Variants in NEGR1 observed in about 807,000 individuals in gnomAD.
The protein encoded by NEGR1 is neuronal growth regulator 1.
In NEGR1, 10 loss-of-function variants were observed where a neutral mutation model predicts 40.9. That is an observed-to-expected ratio of 0.24 (90% confidence interval 0.15 to 0.42). The LOEUF is 0.42. Among genes scored for constraint, NEGR1 ranks in the 10% least tolerant of loss-of-function variants. NEGR1 has a pLI of 1.00. For synonymous variants in NEGR1, 185 were observed against 166.8 expected (o/e 1.11, Z -0.84); for missense variants, 352 against 438.9 (o/e 0.80, Z 1.77).
At chr1:72,010,623 T>C (rs917995936) in intron 1 of NEGR1, among the ~76,000 whole-genome samples, 2 of 149,950 alleles carry the variant, frequency 1.3e-5, no homozygotes, top group African/African-American at 4.9e-5. Context: ...AACCCCTTTC[T>C]CCACTCTCCC....
intron 1 of NEGR1, among the ~76,000 whole-genome samples, chr1:72,042,111 C>T (rs183990353): frequency 4.4e-4 from 67 of 151,376 alleles, no homozygotes; most frequent in Non-Finnish European, 2.2e-4. Flanking sequence ...GAACCTTCAA[C>T]ATTAACAACA....
intron 1 of NEGR1, among the ~76,000 whole-genome samples, chr1:71,971,346 C>A (rs1018986836): frequency 1.3e-5 from 2 of 152,016 alleles, no homozygotes; most frequent in Admixed American, 1.3e-4. Flanking sequence ...GTTATGACAG[C>A]CCAAGGAAAT....
chr1:72,205,037 C>T (rs555489707), intron 1 of NEGR1, among the ~76,000 whole-genome samples: 1 of 151,984 alleles, frequency 6.6e-6, no homozygotes, highest in Admixed American at 6.6e-5. Flanking sequence ...AAACTAAGTG[C>T]TTAGAGGTAT....
chr1:71,565,985 C>T (rs1335224), intron 6 of NEGR1, among the ~76,000 whole-genome samples: 92,373 of 151,648 alleles, frequency 0.61, 28,636 homozygotes, highest in Middle Eastern at 0.68. Context: ...AAGACAGAGA[C>T]GGAGATTGGA....
chr1:72,233,470 C>T (rs1209074314), intron 1 of NEGR1, among the ~76,000 whole-genome samples: 2 of 152,014 alleles, frequency 1.3e-5, no homozygotes, highest in Non-Finnish European at 2.9e-5. Flanking sequence ...CTGGAGTCCC[C>T]AGTGTCTATT....
In NEGR1 at chr1:71,985,280, A is replaced by G. The variant is rs1364316775; in HGVS notation, c.177-49969T>C. Among the ~76,000 whole-genome samples, 6 of 152,216 alleles carry G rather than the reference A, an allele frequency of 3.9e-5. No individual in the cohort carries two copies. The East Asian group carries it at 1.2e-3, about 29-fold the overall frequency. ...ATGTTAAAATTTGAAATAATGTAAA[A>G]ATATGAAGATACGCTGGCTATTTCT... On this transcript the variant is annotated intron_variant, in intron 1 of 6. Transcript: ENST00000357731.
At chr1:72,087,268 TAAC>T (rs1278058174) in intron 1 of NEGR1, among the ~76,000 whole-genome samples, 1 of 151,650 alleles carries the variant, frequency 6.6e-6, no homozygotes, top group Non-Finnish European at 1.5e-5. Flanking sequence ...AATACAACAA[TAAC>T]AACAACACAA....
At chr1:71,753,007 G>T (rs949770284) in intron 3 of NEGR1, among the ~76,000 whole-genome samples, 9 of 152,102 alleles carry the variant, frequency 5.9e-5, no homozygotes, top group Admixed American at 6.6e-5. Flanking sequence ...TTTAGTAATG[G>T]TTAATAGCTT....
intron 1 of NEGR1, among the ~76,000 whole-genome samples, chr1:71,995,789 A>G (rs1200025526): frequency 1.3e-5 from 2 of 152,320 alleles, no homozygotes; most frequent in South Asian, 2.1e-4. Flanking sequence ...TGATCACTCC[A>G]TCAGTCACCA....
intron 2 of NEGR1, among the ~76,000 whole-genome samples, chr1:71,818,413 A>G (rs962273301): frequency 6.6e-6 from 1 of 151,978 alleles, no homozygotes; most frequent in Admixed American, 6.6e-5. Flanking sequence ...TTATCTAACT[A>G]AGCAAACTAA....
chr1:71,475,511 G>T (rs765621486), intron 6 of NEGR1, among the ~76,000 whole-genome samples: 1 of 151,852 alleles, frequency 6.6e-6, no homozygotes, highest in Non-Finnish European at 1.5e-5. Context: ...TTTTTTTCAT[G>T]TGTGCAATAA....
At chr1:71,582,688 A>G (rs773266029) in intron 6 of NEGR1, among the ~76,000 whole-genome samples, 1 of 152,202 alleles carries the variant, frequency 6.6e-6, no homozygotes, top group Non-Finnish European at 1.5e-5. Context: ...TGTGACTAAG[A>G]TAATATTTTA....
At chr1:72,026,721 T>C (rs1211979425) in intron 1 of NEGR1, among the ~76,000 whole-genome samples, 4 of 152,108 alleles carry the variant, frequency 2.6e-5, no homozygotes, top group Non-Finnish European at 5.9e-5. Context: ...CTTACTTTCA[T>C]TGACTTGGTT....
chr1:72,157,220 T>G (rs1651392588), intron 1 of NEGR1, among the ~76,000 whole-genome samples: 1 of 152,120 alleles, frequency 6.6e-6, no homozygotes, highest in African/African-American at 2.4e-5. Context: ...ATCCTCCTGC[T>G]TTGGCCTCCC....
chr1:71,981,684 G>A (rs1167465647), intron 1 of NEGR1, among the ~76,000 whole-genome samples: 7 of 152,074 alleles, frequency 4.6e-5, no homozygotes, highest in Admixed American at 4.6e-4. Flanking sequence ...ACAAGGAGAT[G>A]TCATTATGGA....
At chr1:71,617,973 C>A (rs1650497495) in intron 4 of NEGR1, among the ~76,000 whole-genome samples, 1 of 152,190 alleles carries the variant, frequency 6.6e-6, no homozygotes, top group Non-Finnish European at 1.5e-5. Flanking sequence ...GTGACATATT[C>A]AACCTGCTCA....
At chr1:72,090,018 T>A (rs1482675339) in intron 1 of NEGR1, among the ~76,000 whole-genome samples, 1 of 152,136 alleles carries the variant, frequency 6.6e-6, no homozygotes, top group African/African-American at 2.4e-5. Flanking sequence ...GACTAACAGC[T>A]TGTTGTTAGA....
chr1:72,251,881 T>G (rs2100531298), intron 1 of NEGR1, among the ~76,000 whole-genome samples: 1 of 152,274 alleles, frequency 6.6e-6, no homozygotes. Flanking sequence ...TTGGCCAAAC[T>G]TACTTGTTTA....
intron 6 of NEGR1, among the ~76,000 whole-genome samples, chr1:71,515,641 C>T (rs1440159292): frequency 1.1e-5 from 1 of 94,938 alleles, no homozygotes; most frequent in Non-Finnish European, 2.0e-5. Context: ...TAAAGACCAT[C>T]CAGACTAGGA....
Sources: allele counts gnomAD v4.1 joint callset (sites outside exome capture counted in the v4.1 genomes callset), GRCh38; gene constraint gnomAD v4.1.1; transcripts MANE v1.5; gene names NCBI Gene and HGNC (gene_info 2026-07-23, HGNC 2026-07-21).